Variants in MECOM observed in about 807,000 individuals in gnomAD.
The protein encoded by MECOM is histone-lysine N-methyltransferase MECOM.
A neutral mutation model predicts 116.3 loss-of-function variants in MECOM; 13 were observed. The ratio of observed to expected loss-of-function variants is 0.11; its 90% confidence interval spans 0.07 to 0.18. The LOEUF (loss-of-function observed/expected upper bound fraction) is 0.18, where lower values mean the gene tolerates loss of function less well. MECOM is among the 10% of genes least tolerant of loss of function. MECOM has a pLI of 1.00. For synonymous variants in MECOM, 528 were observed against 535.2 expected (o/e 0.99, Z 0.19); for missense variants, 1,299 against 1,509.0 (o/e 0.86, Z 2.31).
At chr3:169,447,233 C>T (rs1744794091) in intron 1 of MECOM, among the ~76,000 whole-genome samples, 1 of 152,114 alleles carries the variant, frequency 6.6e-6, no homozygotes, top group Admixed American at 6.6e-5. Flanking sequence ...TGCCCTCTGC[C>T]ACCCATGCCC....
intron 1 of MECOM, among the ~76,000 whole-genome samples, chr3:169,526,044 A>T (rs577654399): frequency 4.6e-5 from 7 of 151,398 alleles, no homozygotes; most frequent in African/African-American, 1.7e-4. Flanking sequence ...AAAAAAAAAA[A>T]GTAGCTGGAT....
intron 4 of MECOM, 59 bp from the exon 5 acceptor site, chr3:169,128,119 C>G: frequency 6.9e-7 from 1 of 1,448,874 alleles, no homozygotes; most frequent in Non-Finnish European, 9.7e-7. Context: ...CACAAACCAG[C>G]CAATCTTACC....
intron 3 of MECOM, among the ~76,000 whole-genome samples, chr3:169,140,550 A>G (rs1737792791): frequency 6.6e-6 from 1 of 152,074 alleles, no homozygotes. Context: ...TGTTTTCAGA[A>G]TGTGCATCTC....
intron 1 of MECOM, among the ~76,000 whole-genome samples, chr3:169,640,169 TC>T (rs775569281): frequency 1.4e-3 from 178 of 126,936 alleles, no homozygotes; most frequent in East Asian, 8.1e-3. Flanking sequence ...AATTTTTAAT[TC>T]AAAAAAAATT....
chr3:169,191,981 G>C (rs1327317058), intron 2 of MECOM, among the ~76,000 whole-genome samples: 2 of 152,128 alleles, frequency 1.3e-5, no homozygotes, highest in African/African-American at 2.4e-5. Context: ...GAGTAAGCCT[G>C]TAAGTACCAT....
chr3:169,445,352 G>A (rs1431154822), intron 1 of MECOM, among the ~76,000 whole-genome samples: 2 of 152,186 alleles, frequency 1.3e-5, no homozygotes, highest in Admixed American at 1.3e-4. Flanking sequence ...CTCCAGCCAT[G>A]GCTGAAAGGA....
intron 2 of MECOM, among the ~76,000 whole-genome samples, chr3:169,372,897 G>A (rs879559182): frequency 7.9e-5 from 12 of 151,988 alleles, no homozygotes; most frequent in Non-Finnish European, 1.0e-4. Context: ...GAGGACTTGA[G>A]ACCAGGAAGT....
chr3:169,489,917 C>T (rs895979489), intron 1 of MECOM, among the ~76,000 whole-genome samples: 1 of 151,982 alleles, frequency 6.6e-6, no homozygotes, highest in African/African-American at 2.4e-5. Context: ...AATAGAAATT[C>T]CTGTTAAGCA....
chr3:169,454,001 C>A (rs984274383), intron 1 of MECOM, among the ~76,000 whole-genome samples: 3 of 152,130 alleles, frequency 2.0e-5, no homozygotes, highest in Non-Finnish European at 2.9e-5. Flanking sequence ...TGTGTGGCTT[C>A]TGGATATTCC....
chr3:169,259,069 T>C (rs1051128086), intron 2 of MECOM, among the ~76,000 whole-genome samples: 6 of 152,074 alleles, frequency 3.9e-5, no homozygotes, highest in African/African-American at 9.7e-5. Flanking sequence ...AAATAGTGAG[T>C]TTCTAGAGCT....
chr3:169,360,503 A>G (rs1056043190), intron 2 of MECOM, among the ~76,000 whole-genome samples: 2 of 151,682 alleles, frequency 1.3e-5, no homozygotes, highest in African/African-American at 2.4e-5. Flanking sequence ...CTGGACAACC[A>G]GGTACCATAA....
chr3:169,276,576 G>T (rs968515709), intron 2 of MECOM, among the ~76,000 whole-genome samples: 2 of 124,190 alleles, frequency 1.6e-5, no homozygotes, highest in African/African-American at 6.0e-5. Context: ...AAAAAAAAAA[G>T]TCTACAACAT....
At chr3:169,386,536 A>C (rs1733344536) in intron 1 of MECOM, among the ~76,000 whole-genome samples, 1 of 152,182 alleles carries the variant, frequency 6.6e-6, no homozygotes, top group Non-Finnish European at 1.5e-5. Flanking sequence ...ATTATAGTTT[A>C]TTATAAACCC....
At chr3:169,446,281 A>G (rs1354414515) in intron 1 of MECOM, among the ~76,000 whole-genome samples, 1 of 152,066 alleles carries the variant, frequency 6.6e-6, no homozygotes, top group Non-Finnish European at 1.5e-5. Flanking sequence ...AGGGGGAGGT[A>G]ATTGAATCAT....
At chr3:169,521,944 T>C (rs1578334796) in intron 1 of MECOM, among the ~76,000 whole-genome samples, 1 of 152,222 alleles carries the variant, frequency 6.6e-6, no homozygotes, top group South Asian at 2.1e-4. Flanking sequence ...TATTAGGTAA[T>C]ATAAGTAATC....
intron 2 of MECOM, among the ~76,000 whole-genome samples, chr3:169,216,242 T>G (rs1324982093): frequency 6.6e-6 from 1 of 152,208 alleles, no homozygotes; most frequent in African/African-American, 2.4e-5. Flanking sequence ...GAAAATAACC[T>G]TATTTGGTTG....
At chr3:169,462,579 A>G (rs995600571) in intron 1 of MECOM, among the ~76,000 whole-genome samples, 4 of 152,172 alleles carry the variant, frequency 2.6e-5, no homozygotes, top group African/African-American at 4.8e-5. Flanking sequence ...TTAATTTTCT[A>G]TTTAGCTTAA....
In MECOM at chr3:169,083,691, A is replaced by G. The variant is rs1411721460; in HGVS notation, c.*1218T>C. Reference sequence around the variant, plus strand: ...AATAAAGGGCAAAATAACTGAATACAGTCTGTTATTTACTTCTCTCTTTTA... The same window carrying G: ...AATAAAGGGCAAAATAACTGAATACGGTCTGTTATTTACTTCTCTCTTTTA... On this transcript the variant is annotated 3_prime_UTR_variant, in exon 17 of 17. Coordinates refer to ENST00000651503, the MANE Select transcript of MECOM (RefSeq NM_004991.4). 4.9e-6 allele frequency: 1 copy of G among 203,554 alleles called. No homozygotes were observed. Among genetic ancestry groups the G allele is most frequent in the Non-Finnish European group, 1.0e-5 (1 of 98,994 alleles). The allele number at this position is 203,554 out of a possible 1,614,324, so 12.6% of individuals were successfully genotyped here. A position where few individuals can be genotyped will look rare whatever the true frequency, so the allele number is the denominator to read the frequency against.
At chr3:169,455,913 G>T (rs1221839429) in intron 1 of MECOM, among the ~76,000 whole-genome samples, 1 of 152,166 alleles carries the variant, frequency 6.6e-6, no homozygotes, top group East Asian at 1.9e-4. Flanking sequence ...GTGTTTGCTG[G>T]TAGAAAGCTT....
Sources: allele counts gnomAD v4.1 joint callset (sites outside exome capture counted in the v4.1 genomes callset), GRCh38; gene constraint gnomAD v4.1.1; transcripts MANE v1.5; gene names NCBI Gene and HGNC (gene_info 2026-07-23, HGNC 2026-07-21).